ARL16: variants seen among roughly 807,000 people sequenced by gnomAD.
ARL16 encodes ADP-ribosylation factor-like protein 16.
In ARL16, 21 loss-of-function variants were observed where a neutral mutation model predicts 14.1. The observed-to-expected ratio is 1.48, with a 90% CI of 1.05 to 2.14. The LOEUF (loss-of-function observed/expected upper bound fraction) is 2.14, where lower values mean the gene tolerates loss of function less well. ARL16 is among the 30% of genes most tolerant of loss of function. The probability of loss-of-function intolerance (pLI) is 0.00; values close to 1 mark genes in which losing one functional copy is unlikely to be tolerated. For synonymous variants in ARL16, 122 were observed against 91.8 expected, an observed-to-expected ratio of 1.33 and a Z score of -1.88; for missense variants, 248 against 222.0, an observed-to-expected ratio of 1.12 and a Z score of -0.74.
Position 81,683,732 on chromosome 17 carries a change from TG to T in ARL16, c.21del (p.Thr8ArgfsTer9). 1 of 1,608,140 alleles carries T rather than the reference TG, an allele frequency of 6.2e-7. No individual in the cohort carries two copies. The highest frequency in any genetic ancestry group is 8.5e-7 in the Non-Finnish European group (1 of 1,178,678). ...ACCAGCAGCGTCTTCCCGACGCCCGTGGCCCCCAGCAGGAGACACATTCCGT... is the reference window on the plus strand; with the variant it reads ...ACCAGCAGCGTCTTCCCGACGCCCGTGCCCCCAGCAGGAGACACATTCCGT... MCLLLG[A>X]TGVGKTLLVK... On this transcript the variant is annotated frameshift_variant, in exon 1 of 5. Transcript: ENST00000622299. LOFTEE classifies it high-confidence loss of function.
chr17:81,681,872 G>A lies in ARL16; in HGVS notation c.358C>T (p.Pro120Ser). 1 of 1,612,268 alleles carries A rather than the reference G, an allele frequency of 6.2e-7. No individual in the cohort carries two copies. Residue 120 changes from proline (P) to serine (S), a missense_variant, in exon 5 of 5, where the codon CCC (proline) becomes TCC (serine). By Grantham distance (74) the Pro-to-Ser change is moderately conservative. Transcript: ENST00000622299. ...ATCTCCTCCGTGGACATGTAACAGGGTAGGTCGCTGGAGAGAAAGAGGTGC... is the reference window on the plus strand; with the variant it reads ...ATCTCCTCCGTGGACATGTAACAGGATAGGTCGCTGGAGAGAAAGAGGTGC... ...VLILFNKIDLPCYMSTEEMKS... is the reference protein window; with the variant it reads ...VLILFNKIDLSCYMSTEEMKS...
rs952420442 is a variant in ARL16, at chr17:81,681,894, G to T, written c.351-15C>A. Reference sequence around the variant, plus strand: ...AGGGTAGGTCGCTGGAGAGAAAGAGGTGCCCCATCAGAGCAGTGGCAGCCA... The same window carrying T: ...AGGGTAGGTCGCTGGAGAGAAAGAGTTGCCCCATCAGAGCAGTGGCAGCCA... On this transcript the variant is annotated splice_polypyrimidine_tract_variant and intron_variant, in intron 4 of 4. Coordinates refer to ENST00000622299, the MANE Select transcript of ARL16 (RefSeq NM_001040025.3). 7.5e-6 allele frequency: 12 copies of T among 1,608,938 alleles called. No homozygotes were observed. The highest frequency in any genetic ancestry group is 3.3e-4 in the Middle Eastern group (2 of 6,074).
At chr17:81,683,154 AACAAT>A (rs1307361801) in intron 2 of ARL16, 28 bp from the exon 3 acceptor site, 1 of 1,582,520 alleles carries the variant, frequency 6.3e-7, no homozygotes, top group East Asian at 2.2e-5. Flanking sequence ...ATGCAAAAAG[AACAAT>A]ACAACCGCTG....
At chr17:81,682,952 G>A (rs1319564468) in intron 3 of ARL16, 61 bp downstream of exon 3, 5 of 1,436,478 alleles carry the variant, frequency 3.5e-6, no homozygotes, top group Non-Finnish European at 4.9e-6. Flanking sequence ...GTTGGGGACT[G>A]GACGTCACAG....
At chr17:81,683,653 G>T in intron 1 of ARL16, 40 bp downstream of exon 1, 1 of 1,586,386 alleles carries the variant, frequency 6.3e-7, no homozygotes, top group Non-Finnish European at 8.6e-7. Flanking sequence ...CACTCCGGGT[G>T]CCCCCCGCGC....
Position 81,683,161 on chromosome 17 carries a change from C to G in ARL16, c.121-35G>C, listed in dbSNP as rs902885265. On this transcript the variant is annotated intron_variant, in intron 2 of 4. Transcript: ENST00000622299. Reference sequence around the variant, plus strand: ...AAACCACGATGCAAAAAGAACAATACAACCGCTGTCCCGTTGTGAACTCCT... The same window carrying G: ...AAACCACGATGCAAAAAGAACAATAGAACCGCTGTCCCGTTGTGAACTCCT... 29 of 1,571,602 alleles carry G rather than the reference C, an allele frequency of 1.8e-5. No homozygotes were observed. In the African/African-American group the frequency reaches 3.3e-4, roughly 18 times the overall value.
Position 81,683,119 on chromosome 17 carries a change from G to T in ARL16, c.128C>A (p.Thr43Asn), listed in dbSNP as rs1443875881. 1 of 1,607,606 alleles carries T rather than the reference G, an allele frequency of 6.2e-7. No individual in the cohort carries two copies. Among genetic ancestry groups the T allele is most frequent in the Non-Finnish European group, 8.5e-7 (1 of 1,177,854 alleles). Residue 43 changes from threonine (T) to asparagine (N), a missense_variant, in exon 3 of 5, where the codon ACC (threonine) becomes AAC (asparagine). Physicochemically the swap from Thr to Asn is moderately conservative, Grantham distance 65. Transcript: ENST00000622299. ...CTGTGCCACGATGTCAGTAAGATTGGTGCCCACCTATAGGAAAAACCACGA... is the reference window on the plus strand; with the variant it reads ...CTGTGCCACGATGTCAGTAAGATTGTTGCCCACCTATAGGAAAAACCACGA... Reference protein sequence around the residue: ...EPPPTRPTVGTNLTDIVAQRK... With the variant: ...EPPPTRPTVGNNLTDIVAQRK...
intron 3 of ARL16, 55 bp from the exon 4 acceptor site, chr17:81,682,204 G>C: frequency 7.4e-7 from 1 of 1,351,274 alleles, no homozygotes; most frequent in Admixed American, 2.5e-5. Flanking sequence ...TTCCTCCCCT[G>C]GGCCTCACAG....
At chr17:81,681,183 G>C (rs1230955940), downstream of ARL16, 1 of 153,846 alleles carries the variant, frequency 6.5e-6, no homozygotes, top group Non-Finnish European at 1.4e-5. Context: ...ATCCAGTCTG[G>C]GGACAGGTTT....
chr17:81,683,063 AC>A lies in ARL16; in HGVS notation c.183del (p.Cys62AlafsTer19), dbSNP rs752241785. The A allele has an allele frequency of 3.1e-6, 5 of 1,613,400 alleles. No individual in the cohort carries two copies. Among genetic ancestry groups the A allele is most frequent in the Non-Finnish European group, 4.2e-6 (5 of 1,179,744 alleles). On this transcript the variant is annotated frameshift_variant, in exon 3 of 5. Transcript: ENST00000622299. LOFTEE classifies it high-confidence loss of function. ...QRKITIRELG[G>X]CMGPIWSSYY... ...TAACTGGACCAGATGGGGCCCATGC[AC>A]CCCCCAAGCTCCCGGATGGTGATCT...
rs759776530 is a variant in ARL16 at position 81,683,726 on chromosome 17, C to T, written c.28G>A (p.Val10Ile). Residue 10 changes from valine to isoleucine, a missense_variant, in exon 1 of 5, where the codon GTC becomes ATC. Physicochemically the swap from Val to Ile is conservative, Grantham distance 29. Transcript: ENST00000622299. ...CGTTTCACCAGCAGCGTCTTCCCGA[C>T]GCCCGTGGCCCCCAGCAGGAGACAC... MCLLLGATGVGKTLLVKRLQ... is the reference protein window; with the variant it reads MCLLLGATGIGKTLLVKRLQ... 5 of 1,607,546 alleles carry T rather than the reference C, an allele frequency of 3.1e-6. No individual in the cohort carries two copies. The highest frequency in any genetic ancestry group is 1.1e-5 in the South Asian group (1 of 90,624).
intron 4 of ARL16, 61 bp from the exon 5 acceptor site, chr17:81,681,940 A>G: frequency 6.4e-7 from 1 of 1,568,614 alleles, no homozygotes; most frequent in Non-Finnish European, 8.7e-7. Flanking sequence ...CCGGACCCCC[A>G]GCTGCACCAC....
intron 2 of ARL16, 120 bp downstream of exon 2, chr17:81,683,416 G>C (rs934331140): frequency 1.5e-6 from 2 of 1,299,990 alleles, no homozygotes; most frequent in African/African-American, 3.0e-5. Context: ...GCTCCCGAAG[G>C]CTGGCCTTAA....
Position 81,681,890 on chromosome 17 carries a change from A to C in ARL16, c.351-11T>G, listed in dbSNP as rs753040881. On this transcript the variant is annotated splice_polypyrimidine_tract_variant and intron_variant, in intron 4 of 4. Transcript: ENST00000622299. The stretch of plus-strand genomic sequence containing the variant: ...TAACAGGGTAGGTCGCTGGAGAGAA[A>C]GAGGTGCCCCATCAGAGCAGTGGCA... 18 of 1,610,302 alleles carry C rather than the reference A, an allele frequency of 1.1e-5. No homozygotes were observed. The South Asian group carries it at 1.9e-4, about 17-fold the overall frequency.
In ARL16 at chr17:81,682,034, AT is replaced by A; in HGVS notation, c.349del (p.Ile117SerfsTer12). ...TCCCTCTCAGCTCAGGGACGCGTAC[AT>A]TTTATTGAAGAGTATCAGCACCGAT... ...EASVLILFNK[I>X]DLPCYMSTEE... On this transcript the variant is annotated frameshift_variant and splice_region_variant, in exon 4 of 5. Transcript: ENST00000622299. LOFTEE classifies it high-confidence loss of function. 1 of 1,606,372 alleles carries A rather than the reference AT, an allele frequency of 6.2e-7. No individual in the cohort carries two copies. Among genetic ancestry groups the A allele is most frequent in the Non-Finnish European group, 8.5e-7 (1 of 1,175,808 alleles).
intron 3 of ARL16, chr17:81,682,733 C>T: frequency 2.1e-6 from 1 of 474,850 alleles, no homozygotes; most frequent in East Asian, 3.8e-5. Flanking sequence ...CACAGACGTA[C>T]CGGGGAGTGA....
chr17:81,683,009 C>G lies in ARL16; in HGVS notation c.234+4G>C. On this transcript the variant is annotated splice_donor_region_variant and intron_variant, in intron 3 of 4. Transcript: ENST00000622299. ...AAGGAAGCCCATATAGGATTACAAC[C>G]CACCAGGAGAGAACGGCAGTTTCCA... The G allele has an allele frequency of 6.2e-7, 1 of 1,612,542 alleles. No homozygotes were observed. The highest frequency in any genetic ancestry group is 8.5e-7 in the Non-Finnish European group (1 of 1,178,896).
In ARL16 at chr17:81,682,027, C is replaced by T. The variant is rs759663278; in HGVS notation, c.350+7G>A. 119 of 1,603,018 alleles carry T rather than the reference C, an allele frequency of 7.4e-5. No individual in the cohort carries two copies. The highest frequency in any genetic ancestry group is 1.0e-4 in the Non-Finnish European group (118 of 1,173,970). Reference sequence around the variant, plus strand: ...GCTGTGCTCCCTCTCAGCTCAGGGACGCGTACATTTTATTGAAGAGTATCA... The same window carrying T: ...GCTGTGCTCCCTCTCAGCTCAGGGATGCGTACATTTTATTGAAGAGTATCA... On this transcript the variant is annotated splice_region_variant and intron_variant, in intron 4 of 4. Transcript: ENST00000622299.
Position 81,681,254 on chromosome 17 carries a change from T to G in ARL16, c.*454A>C, listed in dbSNP as rs1303559638. 2 of 154,882 alleles carry G rather than the reference T, an allele frequency of 1.3e-5. No individual in the cohort carries two copies. Among genetic ancestry groups the G allele is most frequent in the Non-Finnish European group, 2.9e-5 (2 of 69,884 alleles). The allele number at this position is 154,882 out of a possible 1,614,324, so 9.6% of individuals were successfully genotyped here. A position where few individuals can be genotyped will look rare whatever the true frequency, so the allele number is the denominator to read the frequency against. ...TTTCACTCTTGTTGCCCAGGTGCAG[T>G]GCAATGGCATGATCTCGACTCACTG... is the stretch of plus-strand genomic sequence containing the variant. On this transcript the variant is annotated 3_prime_UTR_variant, in exon 5 of 5. Transcript: ENST00000622299.
Sources: gnomAD v4.1 joint callset for allele counts on GRCh38, gnomAD v4.1.1 for gene constraint, MANE v1.5 for transcripts, NCBI Gene and HGNC (gene_info 2026-07-23, HGNC 2026-07-21) for gene names.